NRG1: variants seen among roughly 807,000 people sequenced by gnomAD.
The protein encoded by NRG1 is pro-neuregulin-1, membrane-bound isoform.
NRG1 carries 18 observed loss-of-function variants against 63.8 expected under a neutral mutation model. The ratio of observed to expected loss-of-function variants is 0.28; its 90% confidence interval spans 0.19 to 0.42. NRG1 has a LOEUF of 0.42. Ranked by LOEUF, NRG1 falls within the 10% of genes least tolerant of loss-of-function variation. The pLI, the probability that NRG1 is intolerant of heterozygous loss-of-function variation, is 1.00. For missense variants in NRG1, 762 were observed against 814.7 expected, an observed-to-expected ratio of 0.94 and a Z score of 0.79; for synonymous variants, 302 against 301.3, an observed-to-expected ratio of 1.00 and a Z score of -0.02.
chr8:32,614,511 C>A lies in NRG1; in HGVS notation c.401-3C>A, dbSNP rs550163618. On this transcript the variant is annotated splice_polypyrimidine_tract_variant and splice_region_variant and intron_variant, in intron 3 of 11. Transcript: ENST00000356819. ...ATAATGTCCTATCACCTTTTTTTTT[C>A]AGAGATCATCACTGGTATGCCAGCC... The A allele has an allele frequency of 1.9e-6, 3 of 1,608,592 alleles. No homozygotes were observed. The highest frequency in any genetic ancestry group is 1.7e-6 in the Non-Finnish European group (2 of 1,176,964).
intron 1 of NRG1, among the ~76,000 whole-genome samples, chr8:31,678,401 C>T (rs1393405589): frequency 1.3e-5 from 2 of 152,070 alleles, no homozygotes; most frequent in Non-Finnish European, 2.9e-5. Context: ...CACTTATTAA[C>T]AATCTGTGAA....
chr8:31,926,298 G>A (rs1357387206), intron 1 of NRG1, among the ~76,000 whole-genome samples: 1 of 151,868 alleles, frequency 6.6e-6, no homozygotes, highest in African/African-American at 2.4e-5. Flanking sequence ...TTAAACTATG[G>A]AAAGCTCTGA....
At chr8:32,341,138 G>C (rs1322890433) in intron 1 of NRG1, among the ~76,000 whole-genome samples, 2 of 152,284 alleles carry the variant, frequency 1.3e-5, no homozygotes, top group Admixed American at 1.3e-4. Flanking sequence ...TAGGTCTATA[G>C]ATATACTGTC....
intron 1 of NRG1, among the ~76,000 whole-genome samples, chr8:31,965,094 G>A (rs1332194521): frequency 6.6e-6 from 1 of 152,140 alleles, no homozygotes; most frequent in African/African-American, 2.4e-5. Flanking sequence ...CCAGTTCCCA[G>A]ATAGAATTAG....
intron 1 of NRG1, among the ~76,000 whole-genome samples, chr8:31,809,283 A>G (rs914107144): frequency 6.8e-6 from 1 of 147,986 alleles, no homozygotes; most frequent in Non-Finnish European, 1.5e-5. Context: ...GGGAAATTTC[A>G]GTCTAAAGAT....
chr8:31,935,107 C>A (rs926825484), intron 1 of NRG1, among the ~76,000 whole-genome samples: 4 of 151,836 alleles, frequency 2.6e-5, no homozygotes, highest in African/African-American at 9.7e-5. Flanking sequence ...TGTGCCACCA[C>A]GCCCAGCTAA....
chr8:31,945,965 G>A (rs1802475981), intron 1 of NRG1, among the ~76,000 whole-genome samples: 1 of 152,168 alleles, frequency 6.6e-6, no homozygotes, highest in African/African-American at 2.4e-5. Flanking sequence ...CAGAAGAGAA[G>A]ACCTTCTGCA....
At chr8:31,870,699 T>C (rs1829401545) in intron 1 of NRG1, among the ~76,000 whole-genome samples, 1 of 152,198 alleles carries the variant, frequency 6.6e-6, no homozygotes, top group Admixed American at 6.5e-5. Context: ...TCAGAGTCAC[T>C]TGAAAGTAAA....
At chr8:31,649,198 G>T (rs188362247) in intron 1 of NRG1, among the ~76,000 whole-genome samples, 1 of 152,092 alleles carries the variant, frequency 6.6e-6, no homozygotes, top group Non-Finnish European at 1.5e-5. Context: ...CAGGTGATCC[G>T]CCTGCCTCGG....
At chr8:32,056,488 A>G (rs1195771257) in intron 1 of NRG1, among the ~76,000 whole-genome samples, 1 of 152,156 alleles carries the variant, frequency 6.6e-6, no homozygotes, top group African/African-American at 2.4e-5. Flanking sequence ...TGTCTGTCAT[A>G]GTATTGATTC....
chr8:32,012,660 C>T (rs1814938275), intron 1 of NRG1, among the ~76,000 whole-genome samples: 1 of 151,990 alleles, frequency 6.6e-6, no homozygotes, highest in African/African-American at 2.4e-5. Context: ...ACGTAGCTTC[C>T]TTCTAAGGCT....
chr8:31,726,669 C>T (rs934637408), intron 1 of NRG1, among the ~76,000 whole-genome samples: 5 of 152,076 alleles, frequency 3.3e-5, no homozygotes, highest in African/African-American at 1.2e-4. Context: ...AAAAGCATGT[C>T]TGTAGAGCAG....
chr8:32,712,750 C>T (rs1437959867), intron 5 of NRG1, among the ~76,000 whole-genome samples: 1 of 152,070 alleles, frequency 6.6e-6, no homozygotes, highest in Non-Finnish European at 1.5e-5. Flanking sequence ...GATTTTGGTG[C>T]CACGCCTGAT....
chr8:32,162,151 ATAT>A (rs1193829057), intron 1 of NRG1, among the ~76,000 whole-genome samples: 2 of 152,246 alleles, frequency 1.3e-5, no homozygotes, highest in South Asian at 4.1e-4. Flanking sequence ...TGTGAAAAAC[ATAT>A]TAATTGAGCT....
intron 1 of NRG1, among the ~76,000 whole-genome samples, chr8:32,177,754 A>C (rs933098406): frequency 1.3e-5 from 2 of 152,162 alleles, no homozygotes; most frequent in Admixed American, 1.3e-4. Flanking sequence ...ATGAAAAAAA[A>C]TCATGGGACC....
chr8:32,418,092 T>A (rs1189415034), intron 1 of NRG1, among the ~76,000 whole-genome samples: 1 of 152,158 alleles, frequency 6.6e-6, no homozygotes, highest in African/African-American at 2.4e-5. Context: ...ATTATTATAC[T>A]AAATGTTTTT....
chr8:32,758,746 C>T (rs1830134368), intron 9 of NRG1, among the ~76,000 whole-genome samples: 1 of 152,068 alleles, frequency 6.6e-6, no homozygotes, highest in Non-Finnish European at 1.5e-5. Flanking sequence ...GCCTTGTTAG[C>T]CCTACCACTG....
At chr8:31,723,275 G>C (rs7016384) in intron 1 of NRG1, among the ~76,000 whole-genome samples, 31,958 of 152,084 alleles carry the variant, frequency 0.21, 3,788 homozygotes, top group Non-Finnish European at 0.26. Context: ...GTGTTAACCA[G>C]GGGTAGGTAA....
chr8:32,642,208 A>G (rs1158097667), intron 5 of NRG1, among the ~76,000 whole-genome samples: 1 of 152,230 alleles, frequency 6.6e-6, no homozygotes, highest in Non-Finnish European at 1.5e-5. Flanking sequence ...GATTTATTAG[A>G]GACCCCATAA....
Sources: gnomAD v4.1 joint callset for allele counts (sites outside exome capture counted in the v4.1 genomes callset) on GRCh38, gnomAD v4.1.1 for gene constraint, MANE v1.5 for transcripts, NCBI Gene and HGNC (gene_info 2026-07-23, HGNC 2026-07-21) for gene names.